The following ANKRD44 variants were observed in gnomAD, a reference collection of about 807,000 sequenced individuals.
ANKRD44 encodes the protein serine/threonine-protein phosphatase 6 regulatory ankyrin repeat subunit B.
A neutral mutation model predicts 116.0 loss-of-function variants in ANKRD44; 35 were observed. The ratio of observed to expected loss-of-function variants is 0.30; its 90% CI spans 0.23 to 0.40. The LOEUF (loss-of-function observed/expected upper bound fraction) is 0.40. Among genes scored for constraint, ANKRD44 ranks in the 10% least tolerant of loss-of-function variants. The pLI, the probability that ANKRD44 is intolerant of heterozygous loss-of-function variation, is 1.00. For missense variants in ANKRD44, 1,014 were observed against 1,242.6 expected, an observed-to-expected ratio of 0.82 and a Z score of 2.77; for synonymous variants, 435 against 461.8, an observed-to-expected ratio of 0.94 and a Z score of 0.74.
intron 1 of ANKRD44, among the ~76,000 whole-genome samples, chr2:197,265,365 G>A (rs2082715411): frequency 6.6e-6 from 1 of 151,690 alleles, no homozygotes; most frequent in Admixed American, 6.6e-5. Flanking sequence ...TCCTGCCTCA[G>A]CCTCCCGAAT....
chr2:197,215,605 T>C (rs1001828156), intron 1 of ANKRD44, among the ~76,000 whole-genome samples: 3 of 152,220 alleles, frequency 2.0e-5, no homozygotes, highest in Non-Finnish European at 4.4e-5. Context: ...CAAATATTTC[T>C]AGTTGAATAC....
intron 21 of ANKRD44, among the ~76,000 whole-genome samples, chr2:196,979,554 CTT>C (rs71012942): frequency 0.11 from 6,688 of 59,656 alleles, 380 homozygotes; most frequent in South Asian, 0.16. Flanking sequence ...AATAAGATGA[CTT>C]TTTTTTTTTT....
At chr2:197,186,187 T>C (rs2080653723) in intron 2 of ANKRD44, among the ~76,000 whole-genome samples, 2 of 152,208 alleles carry the variant, frequency 1.3e-5, no homozygotes, top group South Asian at 4.1e-4. Flanking sequence ...TGCCAACCAC[T>C]GCTGCAGGGC....
intron 1 of ANKRD44, among the ~76,000 whole-genome samples, chr2:197,255,680 A>G (rs1481353395): frequency 6.6e-6 from 1 of 152,228 alleles, no homozygotes; most frequent in Non-Finnish European, 1.5e-5. Context: ...GTTGCCACTG[A>G]CAGTGTGGTA....
chr2:197,284,290 G>T (rs905418023), intron 1 of ANKRD44, among the ~76,000 whole-genome samples: 6 of 152,056 alleles, frequency 3.9e-5, no homozygotes, highest in African/African-American at 1.4e-4. Context: ...CTGGGTATTC[G>T]CTGCATTCCC....
chr2:197,079,845 G>GA (rs1300353123), intron 15 of ANKRD44, among the ~76,000 whole-genome samples: 5 of 151,822 alleles, frequency 3.3e-5, no homozygotes, highest in African/African-American at 9.7e-5. Flanking sequence ...AAGGCAAAAC[G>GA]AAAAAAGTCA....
intron 1 of ANKRD44, among the ~76,000 whole-genome samples, chr2:197,295,524 G>A (rs1426388310): frequency 1.3e-5 from 2 of 152,126 alleles, no homozygotes; most frequent in Non-Finnish European, 2.9e-5. Flanking sequence ...TGGCTCACGG[G>A]CCATTTAAAG....
chr2:197,015,660 T>A lies in ANKRD44; in HGVS notation c.1723-1948A>T, dbSNP rs932148110. 4 of 551,740 alleles carry A rather than the reference T, an allele frequency of 7.2e-6. No homozygotes were observed. The African/African-American group carries it at 7.6e-5, about 10-fold the overall frequency. 34.2% of individuals were successfully genotyped at this position (551,740 alleles called of 1,614,324 possible). A position where few individuals can be genotyped will look rare whatever the true frequency, so the allele number is the denominator to read the frequency against. ...GTGAAGGTGGTGGCAGCAGAGGTAGTTATGGAGGAGGTGATGGTGGGTGTA... is the reference window on the plus strand; with the variant it reads ...GTGAAGGTGGTGGCAGCAGAGGTAGATATGGAGGAGGTGATGGTGGGTGTA... On this transcript the variant is annotated intron_variant, in intron 17 of 27. Transcript: ENST00000282272.
In ANKRD44 at chr2:196,987,745, T is replaced by C. The variant is rs936974830; in HGVS notation, c.*1846A>G. On this transcript the variant is annotated 3_prime_UTR_variant, in exon 28 of 28. Coordinates refer to ENST00000282272, the MANE Select transcript of ANKRD44 (RefSeq NM_001195144.2). ...AGGCAGACACTGGCAAATAAGTAAGTGCAATGAAACATGATCCTTGTAGTT... is the reference window on the plus strand; with the variant it reads ...AGGCAGACACTGGCAAATAAGTAAGCGCAATGAAACATGATCCTTGTAGTT... The C allele has an allele frequency of 2.8e-5, 28 of 985,332 alleles. No individual in the cohort carries two copies. In the African/African-American group the frequency reaches 4.9e-4, roughly 17 times the overall value. The allele number at this position is 985,332 out of a possible 1,614,324, so 61.0% of individuals were successfully genotyped here. A position where few individuals can be genotyped will look rare whatever the true frequency, so the allele number is the denominator to read the frequency against.
intron 8 of ANKRD44, among the ~76,000 whole-genome samples, chr2:197,116,224 G>A (rs1374249323): frequency 6.6e-6 from 1 of 152,156 alleles, no homozygotes; most frequent in African/African-American, 2.4e-5. Flanking sequence ...CTGGTATGGG[G>A]CACACTGAGA....
intron 1 of ANKRD44, among the ~76,000 whole-genome samples, chr2:197,297,341 A>T (rs1429802015): frequency 6.6e-6 from 1 of 152,224 alleles, no homozygotes; most frequent in Non-Finnish European, 1.5e-5. Flanking sequence ...GAGAAAGAAG[A>T]CTAGTTAAAA....
intron 1 of ANKRD44, among the ~76,000 whole-genome samples, chr2:197,275,035 G>T (rs1200947729): frequency 2.7e-5 from 4 of 150,624 alleles, no homozygotes; most frequent in African/African-American, 9.7e-5. Context: ...CTGACATTTT[G>T]AATTTTGAGG....
intron 2 of ANKRD44, among the ~76,000 whole-genome samples, chr2:197,150,938 T>C (rs2079631010): frequency 6.6e-6 from 1 of 152,176 alleles, no homozygotes; most frequent in African/African-American, 2.4e-5. Context: ...AACACTCACG[T>C]AGGCAGATGG....
chr2:197,254,598 TAC>T (rs3057783), intron 1 of ANKRD44, among the ~76,000 whole-genome samples: 42,010 of 148,016 alleles, frequency 0.28, 6,956 homozygotes, highest in East Asian at 0.6. Context: ...CATACATGCA[TAC>T]ACACACACAC....
chr2:197,098,433 T>C (rs2078213115), intron 10 of ANKRD44, among the ~76,000 whole-genome samples: 1 of 152,196 alleles, frequency 6.6e-6, no homozygotes, highest in African/African-American at 2.4e-5. Context: ...TACAAGACTT[T>C]CAATGATGTT....
chr2:196,982,474 G>T (rs575422368), downstream of ANKRD44, among the ~76,000 whole-genome samples: 1 of 151,936 alleles, frequency 6.6e-6, no homozygotes, highest in East Asian at 1.9e-4. Context: ...CCCAACAAAG[G>T]CTCCTTGACT....
At chr2:197,263,402 T>A (rs1386956912) in intron 1 of ANKRD44, 2 of 603,798 alleles carry the variant, frequency 3.3e-6, no homozygotes, top group African/African-American at 1.9e-5. Context: ...TTTGGGAGCC[T>A]CATCATTGAT....
At chr2:197,093,115 CA>C (rs2078080399) in intron 10 of ANKRD44, among the ~76,000 whole-genome samples, 1 of 116,738 alleles carries the variant, frequency 8.6e-6, no homozygotes, top group Non-Finnish European at 2.1e-5. Flanking sequence ...CACACACACA[CA>C]CACACACATA....
At chr2:197,281,828 C>T (rs2083273216) in intron 1 of ANKRD44, among the ~76,000 whole-genome samples, 1 of 152,070 alleles carries the variant, frequency 6.6e-6, no homozygotes. Flanking sequence ...CATTTTCTTC[C>T]CAGCAGTGGA....
Sources: allele counts gnomAD v4.1 joint callset (sites outside exome capture counted in the v4.1 genomes callset), GRCh38; gene constraint gnomAD v4.1.1; transcripts MANE v1.5; gene names NCBI Gene and HGNC (gene_info 2026-07-23, HGNC 2026-07-21).